The following CFAP46 variants were observed in gnomAD, a reference collection of about 807,000 sequenced individuals.
CFAP46 encodes the protein cilia and flagella associated protein 46.
A neutral mutation model predicts 325.7 loss-of-function variants in CFAP46; 245 were observed. The observed-to-expected ratio is 0.75, with a 90% CI of 0.68 to 0.84. The LOEUF is 0.84. Among genes scored for constraint, CFAP46 ranks in the 40% least tolerant of loss-of-function variants. The pLI is 0.00. For missense variants in CFAP46, 3,346 were observed against 3,543.0 expected (o/e 0.94, Z 1.41); for synonymous variants, 1,523 against 1,495.9 (o/e 1.02, Z -0.42).
chr10:132,895,210 A>C (rs1849303093), intron 24 of CFAP46, among the ~76,000 whole-genome samples: 1 of 152,296 alleles, frequency 6.6e-6, no homozygotes, highest in Admixed American at 6.5e-5. Flanking sequence ...AAGGAGAAAA[A>C]CCACACAACC....
chr10:132,907,162 C>T (rs1849468894), intron 22 of CFAP46, among the ~76,000 whole-genome samples: 1 of 152,276 alleles, frequency 6.6e-6, no homozygotes, highest in Non-Finnish European at 1.5e-5. Flanking sequence ...GCTGCCCACG[C>T]TGGCCATTTG....
chr10:132,841,168 G>A (rs1848340185), intron 44 of CFAP46, among the ~76,000 whole-genome samples: 1 of 152,164 alleles, frequency 6.6e-6, no homozygotes, highest in African/African-American at 2.4e-5. Context: ...ACTTGTTCCA[G>A]CAGCAACTCA....
intron 50 of CFAP46, among the ~76,000 whole-genome samples, chr10:132,826,249 C>T (rs1249438888): frequency 4.3e-5 from 6 of 139,284 alleles, no homozygotes; most frequent in Admixed American, 6.9e-5. Context: ...GCCGGAGCCA[C>T]GGAGACCAGC....
chr10:132,816,476 T>C (rs182241967), intron 50 of CFAP46, among the ~76,000 whole-genome samples: 3,430 of 151,928 alleles, frequency 0.023, 44 homozygotes, highest in South Asian at 0.045. Context: ...GGATTACAAG[T>C]ACCCGCCACC....
Position 132,920,138 on chromosome 10 carries a change from T to C in CFAP46, c.1651A>G (p.Lys551Glu). The change falls in exon 14 of 58, where the codon AAG becomes GAG. Residue 551 changes from lysine (K) to glutamate (E), a missense_variant. Physicochemically the swap from Lys to Glu is moderately conservative, Grantham distance 56. Transcript: ENST00000368586. ...NRGRFTYLCA[K>E]AWHHTVSVDK... ...ACGCTGACGGTGTGGTGCCACGCCT[T>C]CGCACAGAGGTAGGTGAACCGGCCC... 17 of 1,548,964 alleles carry C rather than the reference T, an allele frequency of 1.1e-5. No individual in the cohort carries two copies. Among genetic ancestry groups the C allele is most frequent in the Non-Finnish European group, 1.4e-5 (16 of 1,146,416 alleles).
intron 50 of CFAP46, among the ~76,000 whole-genome samples, chr10:132,821,293 C>CTG (rs1780244572): frequency 2.8e-5 from 3 of 107,402 alleles, no homozygotes; most frequent in Non-Finnish European, 3.6e-5. Flanking sequence ...CTGATGTGTG[C>CTG]TGTGTGTGCT....
At chr10:132,942,381 C>T (rs1368689767) in intron 1 of CFAP46, 55 bp downstream of exon 1, 10 of 1,336,860 alleles carry the variant, frequency 7.5e-6, no homozygotes, top group Non-Finnish European at 7.7e-6. Context: ...GGGCGGGGGT[C>T]GTGGCGGGTC....
intron 45 of CFAP46, 99 bp from the exon 46 acceptor site, chr10:132,836,317 C>G: frequency 2.7e-6 from 3 of 1,103,438 alleles, no homozygotes; most frequent in Non-Finnish European, 4.1e-6. Context: ...GTGAGGCCAA[C>G]TCTGCAGACC....
At chr10:132,873,421 G>A (rs575231746) in intron 31 of CFAP46, among the ~76,000 whole-genome samples, 35 of 152,260 alleles carry the variant, frequency 2.3e-4, no homozygotes, top group African/African-American at 7.9e-4. Flanking sequence ...GGCATCCAGC[G>A]ACACGAGCCT....
At chr10:132,909,070 T>G (rs1849501695) in intron 21 of CFAP46, 67 bp downstream of exon 21, 1 of 1,199,116 alleles carries the variant, frequency 8.3e-7, no homozygotes, top group Non-Finnish European at 1.2e-6. Context: ...TCCAGCCACC[T>G]AGGGCAAGAG....
At chr10:132,916,445 C>T in intron 17 of CFAP46, 104 bp downstream of exon 17, 2 of 1,295,450 alleles carry the variant, frequency 1.5e-6, no homozygotes, top group Non-Finnish European at 2.1e-6. Context: ...AGCCGGTGTC[C>T]TTACGAATGC....
intron 50 of CFAP46, among the ~76,000 whole-genome samples, chr10:132,815,366 G>A (rs1224663302): frequency 6.6e-6 from 1 of 152,184 alleles, no homozygotes; most frequent in African/African-American, 2.4e-5. Flanking sequence ...TCCTTTCTGT[G>A]TGCCTATGCT....
intron 41 of CFAP46, among the ~76,000 whole-genome samples, chr10:132,849,746 G>A (rs991708648): frequency 3.9e-5 from 6 of 152,172 alleles, no homozygotes; most frequent in South Asian, 2.1e-4. Context: ...GGGCTGTAGG[G>A]GGTGGGGGAT....
At chr10:132,830,236 C>T (rs1341054723) in intron 50 of CFAP46, among the ~76,000 whole-genome samples, 6 of 152,072 alleles carry the variant, frequency 3.9e-5, no homozygotes, top group Admixed American at 2.6e-4. Context: ...CTCCACCTCC[C>T]GGGTTCAAGC....
rs1848866472 is a variant in CFAP46, at chr10:132,869,509, A to G, written c.4512-137T>C. ...TTGGATGGTATTTTCAATCATTTTT[A>G]AAGGTAAGCGAAATTACTAGGGAAA... On this transcript the variant is annotated intron_variant, in intron 32 of 57. Transcript: ENST00000368586. The surrounding 1 kb of genome is among the most constrained non-coding windows in gnomAD (Gnocchi z 6.2). 1 of 574,924 alleles carries G rather than the reference A, an allele frequency of 1.7e-6. No homozygotes were observed. Among genetic ancestry groups the G allele is most frequent in the Admixed American group, 3.8e-5 (1 of 26,418 alleles). 35.6% of individuals were successfully genotyped at this position (574,924 alleles called of 1,614,324 possible). A position where few individuals can be genotyped will look rare whatever the true frequency, so the allele number is the denominator to read the frequency against.
chr10:132,857,629 C>A lies in CFAP46; in HGVS notation c.5535G>T (p.Gly1845=). Residue 1845 remains glycine (G), a synonymous_variant, in exon 39 of 58, where the codon GGG becomes GGT. Transcript: ENST00000368586. ...LAQGAMAEEE[G]RLHSVQGLLS... is the part of the protein sequence containing the mutation. The stretch of plus-strand genomic sequence containing the variant: ...ATAGGCCCTGGACGCTGTGAAGCCT[C>A]CCTTCTTCCTCAGCCATGGCGCCCT... The A allele has an allele frequency of 6.2e-7, 1 of 1,613,174 alleles. No individual in the cohort carries two copies. Among genetic ancestry groups the A allele is most frequent in the South Asian group, 1.1e-5 (1 of 90,734 alleles).
chr10:132,811,677 G>A (rs1016097558), intron 55 of CFAP46, among the ~76,000 whole-genome samples: 2 of 152,222 alleles, frequency 1.3e-5, no homozygotes, highest in African/African-American at 4.8e-5. Flanking sequence ...CTGGGGAGTT[G>A]GGGGAGCCCT....
At chr10:132,814,817 G>A (rs373254529) in intron 51 of CFAP46, 27 bp downstream of exon 51, 104 of 1,613,770 alleles carry the variant, frequency 6.4e-5, no homozygotes, top group Non-Finnish European at 8.1e-5. Flanking sequence ...CCACCAGCCC[G>A]ATCCCCTATC....
In CFAP46 at chr10:132,885,079, G is replaced by A. The variant is rs933255152; in HGVS notation, c.3627+24C>T. ...CACTAAAGGACAAATTTTACCACGT[G>A]CACCCACGCTTACGGCTTCACACCT... On this transcript the variant is annotated intron_variant, in intron 27 of 57. Transcript: ENST00000368586. 25 of 1,530,176 alleles carry A rather than the reference G, an allele frequency of 1.6e-5. No homozygotes were observed. The African/African-American group carries it at 3.2e-4, about 19-fold the overall frequency. The allele number at this position is 1,530,176 out of a possible 1,614,324, so 94.8% of individuals were successfully genotyped here.
Sources: allele counts gnomAD v4.1 joint callset (sites outside exome capture counted in the v4.1 genomes callset), GRCh38; gene constraint gnomAD v4.1.1; non-coding constraint Gnocchi (gnomAD v3.1); transcripts MANE v1.5; gene names NCBI Gene and HGNC (gene_info 2026-07-23, HGNC 2026-07-21).